Variants in MIAT observed in about 807,000 individuals in gnomAD.
The protein encoded by MIAT is MI related novel mRNA.
At chr22:26,674,263 G>A (rs538410688), downstream of MIAT, 12 of 398,622 alleles carry the variant, frequency 3.0e-5, no homozygotes, top group East Asian at 1.4e-4. Flanking sequence ...CCGAGGAAAC[G>A]GGAGTTTTTC....
chr22:26,663,487 C>T (rs1218734172), intron 3 of MIAT: 3 of 396,822 alleles, frequency 7.6e-6, no homozygotes, highest in Non-Finnish European at 1.3e-5. Context: ...ATCCGTATGT[C>T]CTGAGACCTC....
At chr22:26,657,247 G>C (rs899057105) in intron 2 of MIAT, 26 of 354,706 alleles carry the variant, frequency 7.3e-5, no homozygotes, top group Non-Finnish European at 1.2e-4. Flanking sequence ...TGGGGATGCG[G>C]GAGGCTGAGC....
At chr22:26,669,622 G>T (rs1930972559) in exon 6 of MIAT, 1 of 398,512 alleles carries the variant, frequency 2.5e-6, no homozygotes, top group Non-Finnish European at 4.4e-6. Flanking sequence ...TTGGGGGAGG[G>T]GACACCATTC....
downstream of MIAT, chr22:26,670,420 C>T: frequency 2.5e-6 from 1 of 398,268 alleles, no homozygotes; most frequent in Admixed American, 4.4e-5. Flanking sequence ...TCTACTGAGG[C>T]ACAAGTTCTG....
intron 3 of MIAT, among the ~76,000 whole-genome samples, chr22:26,664,823 T>C (rs866133736): frequency 1.8e-4 from 28 of 152,376 alleles, no homozygotes; most frequent in African/African-American, 6.7e-4. Context: ...AGGATAAATA[T>C]GGCTTATATT....
downstream of MIAT, chr22:26,673,444 G>A (rs1217694652): frequency 5.0e-6 from 2 of 398,762 alleles, no homozygotes; most frequent in East Asian, 3.6e-5. Context: ...GGCCCTGTCT[G>A]GGGGTTCCAG....
chr22:26,674,783 A>T (rs1027734276), exon 5 of MIAT: 2 of 398,526 alleles, frequency 5.0e-6, no homozygotes, highest in Admixed American at 4.4e-5. Flanking sequence ...CAGGAAGCTC[A>T]CACCTCCTAT....
chr22:26,668,158 G>A, exon 6 of MIAT: 1 of 398,618 alleles, frequency 2.5e-6, no homozygotes, highest in Non-Finnish European at 4.4e-6. Context: ...TCTCCCCCAG[G>A]TGGCTCCATC....
intron 2 of MIAT, chr22:26,657,450 GC>G: frequency 2.5e-6 from 1 of 398,674 alleles, no homozygotes; most frequent in Non-Finnish European, 4.4e-6. Flanking sequence ...CCCGCCAGCC[GC>G]TCCCGCATTA....
intron 2 of MIAT, chr22:26,657,606 G>A: frequency 2.5e-6 from 1 of 398,726 alleles, no homozygotes; most frequent in Non-Finnish European, 4.4e-6. Flanking sequence ...GCTGTGAGCC[G>A]GGGCACAAAG....
intron 2 of MIAT, among the ~76,000 whole-genome samples, chr22:26,659,255 G>T (rs987908382): frequency 4.6e-5 from 7 of 152,068 alleles, no homozygotes; most frequent in African/African-American, 1.7e-4. Context: ...ACCATTTCCG[G>T]ACACTTTGCC....
chr22:26,648,290 G>A (rs189003961), intron 2 of MIAT, among the ~76,000 whole-genome samples: 4 of 152,318 alleles, frequency 2.6e-5, no homozygotes, highest in Non-Finnish European at 5.9e-5. Flanking sequence ...ACTCTGCCCC[G>A]CTTCTCTGTT....
Position 26,668,529 on chromosome 22 carries a change from T to C in MIAT, n.2634T>C. 6 of 399,156 alleles carry C rather than the reference T, an allele frequency of 1.5e-5. No individual in the cohort carries two copies. The East Asian group carries it at 2.1e-4, about 14-fold the overall frequency. 24.7% of individuals were successfully genotyped at this position (399,156 alleles called of 1,614,324 possible). A position where few individuals can be genotyped will look rare whatever the true frequency, so the allele number is the denominator to read the frequency against. ...TGAACTTGATTCCTCCTCGCGTTTC[T>C]GCCGGTGACCAGACAGAGCCTGGCC... On this transcript the variant is annotated non_coding_transcript_exon_variant, in exon 6 of 6. Coordinates refer to ENST00000643270, the Ensembl canonical transcript of MIAT.
At chr22:26,650,254 C>G (rs1444791472) in intron 2 of MIAT, 1 of 152,216 alleles carries the variant, frequency 6.6e-6, no homozygotes, top group Admixed American at 6.5e-5. Context: ...CATGAGGACA[C>G]AGTGAGAAGC....
At chr22:26,669,349 A>G in exon 6 of MIAT, 1 of 398,736 alleles carries the variant, frequency 2.5e-6, no homozygotes, top group Non-Finnish European at 4.4e-6. Flanking sequence ...GAAAGTCCAG[A>G]TCAAGGTGTT....
downstream of MIAT, chr22:26,672,148 G>T: frequency 2.5e-6 from 1 of 399,868 alleles, no homozygotes; most frequent in Non-Finnish European, 4.4e-6. Flanking sequence ...TGTGTCTGCT[G>T]AGGTGCCCTG....
chr22:26,670,270 C>T (rs1341519784), downstream of MIAT: 1 of 398,388 alleles, frequency 2.5e-6, no homozygotes, highest in Non-Finnish European at 4.4e-6. Flanking sequence ...TACTTTGGGC[C>T]CTTTCCCGTG....
intron 2 of MIAT, among the ~76,000 whole-genome samples, chr22:26,658,834 G>GT (rs1930554387): frequency 1.3e-5 from 2 of 152,206 alleles, no homozygotes; most frequent in South Asian, 2.1e-4. Context: ...GAACGGCTTT[G>GT]TTTTTTCTCG....
At chr22:26,654,336 G>A (rs1930387031) in intron 2 of MIAT, among the ~76,000 whole-genome samples, 1 of 152,130 alleles carries the variant, frequency 6.6e-6, no homozygotes. Context: ...AAGTGTGAAA[G>A]TTTGGGGTGA....
Sources: gnomAD v4.1 joint callset for allele counts (sites outside exome capture counted in the v4.1 genomes callset) on GRCh38, gnomAD v4.1.1 for gene constraint, MANE v1.5 for transcripts, NCBI Gene and HGNC (gene_info 2026-07-23, HGNC 2026-07-21) for gene names.